ERLEC1: variants seen among roughly 807,000 people sequenced by gnomAD.
ERLEC1 encodes ER lectin.
In ERLEC1, 47 loss-of-function variants were observed where a neutral mutation model predicts 68.0. The observed-to-expected ratio is 0.69, with a 90% CI of 0.55 to 0.88. ERLEC1 has a LOEUF of 0.88. ERLEC1 is among the 40% of genes least tolerant of loss of function. The pLI is 0.00. For synonymous variants in ERLEC1, 225 were observed against 203.2 expected, an observed-to-expected ratio of 1.11 and a Z score of -0.91; for missense variants, 567 against 583.8, an observed-to-expected ratio of 0.97 and a Z score of 0.30.
chr2:53,815,009 T>C, intron 13 of ERLEC1, 74 bp downstream of exon 13: 1 of 1,017,852 alleles, frequency 9.8e-7, no homozygotes, highest in South Asian at 1.6e-5. Context: ...TTTTTTTTTT[T>C]TTTTTTTGTT....
chr2:53,798,084 A>G (rs927957796), intron 5 of ERLEC1, among the ~76,000 whole-genome samples: 1 of 152,096 alleles, frequency 6.6e-6, no homozygotes, highest in Non-Finnish European at 1.5e-5. Flanking sequence ...AGTCCCAGCT[A>G]CTTGGGAGGC....
intron 12 of ERLEC1, 22 bp from the exon 13 acceptor site, chr2:53,814,838 C>T: frequency 6.4e-7 from 1 of 1,570,440 alleles, no homozygotes; most frequent in South Asian, 1.1e-5. Context: ...TGGACAGTAC[C>T]TTAAAGTGCT....
In ERLEC1 at chr2:53,787,134, T is replaced by TCCA. The variant is rs1675078248; in HGVS notation, c.-74_-72dup. 6.2e-6 allele frequency: 4 copies of TCCA among 648,472 alleles called. No individual in the cohort carries two copies. The highest frequency in any genetic ancestry group is 3.6e-5 in the Admixed American group (1 of 27,866). 40.2% of individuals were successfully genotyped at this position (648,472 alleles called of 1,614,324 possible). A position where few individuals can be genotyped will look rare whatever the true frequency, so the allele number is the denominator to read the frequency against. On this transcript the variant is annotated 5_prime_UTR_variant, in exon 1 of 14. Transcript: ENST00000185150. The stretch of plus-strand genomic sequence containing the variant: ...GCTTTATAGTCCCGCCGCCTCCTCC[T>TCCA]CCACCTCCTCCTCCTCCTCCTCTCC...
chr2:53,811,601 C>T lies in ERLEC1; in HGVS notation c.1102-1348C>T, dbSNP rs115705730. On this transcript the variant is annotated intron_variant, in intron 10 of 13. Transcript: ENST00000185150. ...TATGCTAGGCACTATGTACTTTACACGTATTAATTCTTTTAATATTCATAA... is the reference window on the plus strand; with the variant it reads ...TATGCTAGGCACTATGTACTTTACATGTATTAATTCTTTTAATATTCATAA... Among the ~76,000 whole-genome samples, 940 of 152,178 alleles carry T rather than the reference C, an allele frequency of 6.2e-3. 18 individuals are homozygous for T. Among genetic ancestry groups the T allele is most frequent in the Non-Finnish European group, 5.7e-3 (387 of 67,998 alleles).
intron 3 of ERLEC1, among the ~76,000 whole-genome samples, chr2:53,796,246 G>GTTTTTTT (rs200295316): frequency 5.5e-5 from 7 of 126,466 alleles, no homozygotes; most frequent in Non-Finnish European, 6.7e-5. Flanking sequence ...TGATGGGTTG[G>GTTTTTTT]TTTTTTTTTT....
At position 53,787,291 on chromosome 2, in the gene ERLEC1, G is replaced by A; in HGVS notation, c.81G>A (p.Ala27=). Residue 27 remains alanine, a synonymous_variant, in exon 1 of 14, where the codon GCG becomes GCA. Coordinates refer to ENST00000185150, the MANE Select transcript of ERLEC1 (RefSeq NM_015701.5). Reference sequence around the variant, plus strand: ...TGGTCCTCTGCGGCCTCCTGGAGGCGTCCGGCGGCGGCCGAGCCCTTCCTC... The same window carrying A: ...TGGTCCTCTGCGGCCTCCTGGAGGCATCCGGCGGCGGCCGAGCCCTTCCTC... The part of the protein sequence containing the change: ...VLLVLCGLLE[A]SGGGRALPQL... 6.2e-7 allele frequency: 1 copy of A among 1,609,666 alleles called. No homozygotes were observed. The highest frequency in any genetic ancestry group is 8.5e-7 in the Non-Finnish European group (1 of 1,179,972).
In ERLEC1 at chr2:53,808,349, G is replaced by A. The variant is rs35950300; in HGVS notation, c.930G>A (p.Ser310=). The part of the protein sequence containing the change: ...KEERFPAIHK[S]IAIGSQPVLT... The stretch of plus-strand genomic sequence containing the variant: ...AGAGATTTCCAGCGATCCACAAGTC[G>A]ATTGCTATTGGCTCTCAGCCAGTGC... The change falls in exon 9 of 14, where the codon TCG becomes TCA. Residue 310 remains serine (S), a synonymous_variant. Transcript: ENST00000185150. 220 of 1,614,136 alleles carry A rather than the reference G, an allele frequency of 1.4e-4. 1 individual carries two copies. In the African/African-American group the frequency reaches 2.5e-3, roughly 18 times the overall value.
At chr2:53,813,268 G>C (rs1371650832) in intron 11 of ERLEC1, among the ~76,000 whole-genome samples, 195 bp downstream of exon 11, 1 of 152,148 alleles carries the variant, frequency 6.6e-6, no homozygotes, top group Admixed American at 6.5e-5. Context: ...CCTGGAGTCA[G>C]ACTACCTGGA....
chr2:53,795,609 T>C (rs1343911693), intron 2 of ERLEC1, among the ~76,000 whole-genome samples: 1 of 152,222 alleles, frequency 6.6e-6, no homozygotes, highest in Non-Finnish European at 1.5e-5. Context: ...AATTCTGAAA[T>C]AGGTTTATAA....
At chr2:53,799,002 C>T (rs202222102) in intron 5 of ERLEC1, 45 bp from the exon 6 acceptor site, 33 of 1,582,802 alleles carry the variant, frequency 2.1e-5, no homozygotes, top group African/African-American at 4.0e-5. Context: ...ATTTGTACCA[C>T]ATATGTCACT....
chr2:53,787,154 C>A lies in ERLEC1; in HGVS notation c.-57C>A, dbSNP rs543444877. 15 of 1,488,920 alleles carry A rather than the reference C, an allele frequency of 1.0e-5. No homozygotes were observed. The South Asian group carries it at 1.7e-4, about 17-fold the overall frequency. 92.2% of individuals were successfully genotyped at this position (1,488,920 alleles called of 1,614,324 possible). On this transcript the variant is annotated 5_prime_UTR_variant, in exon 1 of 14. Transcript: ENST00000185150. ...CCTCCTCCACCTCCTCCTCCTCCTC[C>A]TCTCCTCCTGGAGCAGAGGAGGTTG...
rs911317948 is a variant in ERLEC1 at position 53,787,087 on chromosome 2, G to T, written c.-124G>T. The T allele has an allele frequency of 1.5e-6, 2 of 1,311,670 alleles. No individual in the cohort carries two copies. Among genetic ancestry groups the T allele is most frequent in the African/African-American group, 1.5e-5 (1 of 66,790 alleles). The allele number at this position is 1,311,670 out of a possible 1,614,324, so 81.3% of individuals were successfully genotyped here. A position where few individuals can be genotyped will look rare whatever the true frequency, so the allele number is the denominator to read the frequency against. On this transcript the variant is annotated 5_prime_UTR_variant, in exon 1 of 14. Transcript: ENST00000185150. ...CTCTCCGGAAGGAGACGTGGCGGCG[G>T]TTGGGCCGGTGATACCCGGGCGCTT... is the stretch of plus-strand genomic sequence containing the variant.
intron 2 of ERLEC1, among the ~76,000 whole-genome samples, chr2:53,795,568 C>G (rs1160050069): frequency 1.3e-5 from 2 of 152,136 alleles, no homozygotes; most frequent in African/African-American, 2.4e-5. Context: ...GCTTTCATAG[C>G]TAAGAATTTG....
At chr2:53,794,275 A>T in intron 1 of ERLEC1, 70 bp from the exon 2 acceptor site, 2 of 626,216 alleles carry the variant, frequency 3.2e-6, no homozygotes, top group Non-Finnish European at 5.4e-6. Context: ...TTTTCCAGCT[A>T]AGACTAAAGT....
intron 2 of ERLEC1, among the ~76,000 whole-genome samples, chr2:53,795,548 T>C (rs1675648048): frequency 6.6e-6 from 1 of 152,210 alleles, no homozygotes; most frequent in African/African-American, 2.4e-5. Context: ...AAGATTCAAC[T>C]ATTCTAAGGG....
intron 1 of ERLEC1, among the ~76,000 whole-genome samples, chr2:53,788,059 T>C (rs964282368): frequency 2.0e-5 from 3 of 152,192 alleles, no homozygotes; most frequent in Admixed American, 2.0e-4. Context: ...AAATTCCCTC[T>C]TGGGGGAGTG....
At chr2:53,813,704 T>G (rs1369053017) in intron 11 of ERLEC1, among the ~76,000 whole-genome samples, 1 of 152,198 alleles carries the variant, frequency 6.6e-6, no homozygotes, top group Non-Finnish European at 1.5e-5. Context: ...ACCTTTTCCT[T>G]CCTAAAACAG....
Position 53,817,886 on chromosome 2 carries a change from G to T in ERLEC1, c.1381-12G>T. 1 of 1,588,354 alleles carries T rather than the reference G, an allele frequency of 6.3e-7. No homozygotes were observed. Among genetic ancestry groups the T allele is most frequent in the Non-Finnish European group, 8.6e-7 (1 of 1,157,266 alleles). Reference sequence around the variant, plus strand: ...TTAGCAACTTTTTAATGGCTTTGTTGTTCTTCTTTAGGTTGAATCTCCAGT... The same window carrying T: ...TTAGCAACTTTTTAATGGCTTTGTTTTTCTTCTTTAGGTTGAATCTCCAGT... On this transcript the variant is annotated splice_polypyrimidine_tract_variant and intron_variant, in intron 13 of 13. Coordinates refer to ENST00000185150, the MANE Select transcript of ERLEC1 (RefSeq NM_015701.5).
chr2:53,814,804 AC>A, intron 12 of ERLEC1, 55 bp from the exon 13 acceptor site: 1 of 1,326,974 alleles, frequency 7.5e-7, no homozygotes, highest in Non-Finnish European at 1.1e-6. Context: ...ACAGTTATTA[AC>A]AGTGATCTTA....
Sources: allele counts gnomAD v4.1 joint callset (sites outside exome capture counted in the v4.1 genomes callset), GRCh38; gene constraint gnomAD v4.1.1; transcripts MANE v1.5; gene names NCBI Gene and HGNC (gene_info 2026-07-23, HGNC 2026-07-21).